The following FAM184B variants were observed in gnomAD, a reference collection of about 807,000 sequenced individuals.
FAM184B encodes the protein protein FAM184B.
Under a neutral mutation model 135.9 loss-of-function variants are expected in FAM184B, and 111 were observed. The observed-to-expected ratio is 0.82, with a 90% CI of 0.70 to 0.96. The LOEUF (loss-of-function observed/expected upper bound fraction) is 0.96. Among genes scored for constraint, FAM184B ranks in the 40% least tolerant of loss-of-function variants. FAM184B has a pLI of 0.00. For synonymous variants in FAM184B, 552 were observed against 524.8 expected, an observed-to-expected ratio of 1.05 and a Z score of -0.71; for missense variants, 1,375 against 1,323.9, an observed-to-expected ratio of 1.04 and a Z score of -0.60.
intron 14 of FAM184B, among the ~76,000 whole-genome samples, chr4:17,637,390 G>T (rs1715176050): frequency 6.6e-6 from 1 of 152,184 alleles, no homozygotes. Context: ...GGAGGGCTGG[G>T]GGTGCAGATA....
intron 5 of FAM184B, among the ~76,000 whole-genome samples, chr4:17,697,727 T>G (rs1716897671): frequency 6.6e-6 from 1 of 152,220 alleles, no homozygotes; most frequent in African/African-American, 2.4e-5. Context: ...AACAGCACAG[T>G]GACAATCACC....
At chr4:17,697,922 T>C (rs575981336) in intron 5 of FAM184B, among the ~76,000 whole-genome samples, 2 of 152,272 alleles carry the variant, frequency 1.3e-5, no homozygotes, top group East Asian at 3.9e-4. Context: ...TTACTAAGCT[T>C]CATGTTGGGT....
intron 8 of FAM184B, among the ~76,000 whole-genome samples, chr4:17,663,697 C>T (rs1264781181): frequency 1.3e-5 from 2 of 151,850 alleles, no homozygotes; most frequent in Admixed American, 6.6e-5. Context: ...AGGAGTCAAG[C>T]TCATGTAAGT....
intron 1 of FAM184B, among the ~76,000 whole-genome samples, chr4:17,746,863 C>A (rs1718179232): frequency 6.6e-6 from 1 of 151,458 alleles, no homozygotes; most frequent in Admixed American, 6.6e-5. Context: ...CATGGAGAAA[C>A]CCCATCTCTA....
chr4:17,709,288 C>T lies in FAM184B; in HGVS notation c.498G>A (p.Thr166=), dbSNP rs762713615. 5.2e-6 allele frequency: 8 copies of T among 1,548,618 alleles called. No individual in the cohort carries two copies. Among genetic ancestry groups the T allele is most frequent in the Non-Finnish European group, 7.0e-6 (8 of 1,145,566 alleles). Residue 166 remains threonine (T), a synonymous_variant, in exon 2 of 18, where the codon ACG becomes ACA. Coordinates refer to ENST00000265018, the MANE Select transcript of FAM184B (RefSeq NM_015688.2). The part of the protein sequence containing the change: ...ADYERRLQHL[T]SHEATPQGRL... ...GGCCCTGCGGGGTAGCCTCGTGGCT[C>T]GTCAGGTGCTGGAGCCTCCTCTCGT...
At chr4:17,674,850 C>A (rs1406027779) in intron 7 of FAM184B, among the ~76,000 whole-genome samples, 2 of 152,162 alleles carry the variant, frequency 1.3e-5, no homozygotes, top group African/African-American at 4.8e-5. Flanking sequence ...CATGAGATTG[C>A]AGCAATTCAG....
chr4:17,683,878 C>A (rs1716504492), intron 7 of FAM184B, among the ~76,000 whole-genome samples: 2 of 151,736 alleles, frequency 1.3e-5, no homozygotes, highest in African/African-American at 4.8e-5. Context: ...GAGTTTGAGA[C>A]CAGCCTGGAC....
intron 1 of FAM184B, among the ~76,000 whole-genome samples, chr4:17,724,264 G>A (rs551666474): frequency 3.6e-4 from 55 of 152,124 alleles, no homozygotes; most frequent in African/African-American, 1.2e-3. Context: ...TCTTCTTTTT[G>A]TTTTTATGCA....
At chr4:17,648,736 G>C (rs1386715295) in intron 11 of FAM184B, among the ~76,000 whole-genome samples, 3 of 152,052 alleles carry the variant, frequency 2.0e-5, no homozygotes, top group Admixed American at 2.0e-4. Context: ...GGTAGGAGAT[G>C]GCATGTCATC....
intron 7 of FAM184B, among the ~76,000 whole-genome samples, chr4:17,677,518 C>G (rs1263792321): frequency 2.0e-5 from 3 of 152,034 alleles, no homozygotes; most frequent in Non-Finnish European, 4.4e-5. Context: ...TAACAAGCAG[C>G]AAGACTGAAA....
chr4:17,713,147 G>A (rs1287407254), intron 1 of FAM184B, among the ~76,000 whole-genome samples: 1 of 152,180 alleles, frequency 6.6e-6, no homozygotes, highest in Non-Finnish European at 1.5e-5. Context: ...TCCATCCCCA[G>A]TGCCTGGCTC....
intron 7 of FAM184B, among the ~76,000 whole-genome samples, chr4:17,681,454 A>T (rs1716431307): frequency 6.6e-6 from 1 of 152,218 alleles, no homozygotes; most frequent in Admixed American, 6.5e-5. Flanking sequence ...CCATGGAGTG[A>T]AGGGCAGCCT....
chr4:17,759,257 T>C (rs1323365702), intron 1 of FAM184B, among the ~76,000 whole-genome samples: 2 of 152,182 alleles, frequency 1.3e-5, no homozygotes, highest in African/African-American at 4.8e-5. Flanking sequence ...GTTGTTCTCA[T>C]GATAGTGAGT....
At chr4:17,705,688 C>G in intron 4 of FAM184B, 64 bp downstream of exon 4, 1 of 1,532,034 alleles carries the variant, frequency 6.5e-7, no homozygotes, top group Non-Finnish European at 8.8e-7. Flanking sequence ...CTCTACCTGA[C>G]GCTTATAATA....
At chr4:17,640,174 T>C (rs554379807) in intron 13 of FAM184B, among the ~76,000 whole-genome samples, 4 of 151,324 alleles carry the variant, frequency 2.6e-5, no homozygotes, top group African/African-American at 4.8e-5. Flanking sequence ...AAAGAAGTGG[T>C]TATGAAAATT....
chr4:17,736,063 G>T (rs550733828), intron 1 of FAM184B, among the ~76,000 whole-genome samples: 1 of 152,176 alleles, frequency 6.6e-6, no homozygotes, highest in African/African-American at 2.4e-5. Flanking sequence ...GGGTTTACAA[G>T]GTGGCAGGCA....
intron 3 of FAM184B, 54 bp from the exon 4 acceptor site, chr4:17,705,945 T>C (rs1013568548): frequency 1.3e-6 from 2 of 1,546,400 alleles, no homozygotes; most frequent in African/African-American, 2.7e-5. Context: ...TGGCCTCTTG[T>C]TCAAGGCTTT....
intron 13 of FAM184B, among the ~76,000 whole-genome samples, chr4:17,641,670 T>TTTTTTTTTTA: frequency 7.5e-6 from 1 of 133,148 alleles, no homozygotes; most frequent in Non-Finnish European, 1.6e-5. Flanking sequence ...TTTTTTTTTT[T>TTTTTTTTTTA]TGTATTTTTA....
intron 5 of FAM184B, among the ~76,000 whole-genome samples, chr4:17,693,627 A>C (rs965594876): frequency 1.3e-5 from 2 of 152,222 alleles, no homozygotes; most frequent in Non-Finnish European, 2.9e-5. Flanking sequence ...GGGCGGGGCA[A>C]ATTGTTGTCT....
Sources: allele counts gnomAD v4.1 joint callset (sites outside exome capture counted in the v4.1 genomes callset), GRCh38; gene constraint gnomAD v4.1.1; transcripts MANE v1.5; gene names NCBI Gene and HGNC (gene_info 2026-07-23, HGNC 2026-07-21).